The following TTC6 variants were observed in gnomAD, a reference collection of about 807,000 sequenced individuals.
TTC6 encodes tetratricopeptide repeat protein 6.
Under a neutral mutation model 210.4 loss-of-function variants are expected in TTC6, and 172 were observed. The ratio of observed to expected loss-of-function variants is 0.82; its 90% CI spans 0.72 to 0.93. TTC6 has a LOEUF of 0.93. Among genes scored for constraint, TTC6 ranks in the 40% least tolerant of loss-of-function variants. The pLI is 0.00. For synonymous variants in TTC6, 804 were observed against 819.6 expected (o/e 0.98, Z 0.32); for missense variants, 2,414 against 2,318.1 (o/e 1.04, Z -0.85).
At chr14:37,823,905 A>G (rs147359348) in exon 27 of TTC6, 5 of 1,614,054 alleles carry the variant, frequency 3.1e-6, no homozygotes, top group East Asian at 2.2e-5. Flanking sequence ...AAAGCACTGC[A>G]TATTAATCCA....
chr14:37,630,071 C>T (rs1012123650), intron 1 of TTC6, among the ~76,000 whole-genome samples: 1 of 152,120 alleles, frequency 6.6e-6, no homozygotes, highest in Non-Finnish European at 1.5e-5. Flanking sequence ...TTTCGTGTCT[C>T]TGCCTCCTTT....
At chr14:37,831,229 A>G (rs991945544) in intron 29 of TTC6, among the ~76,000 whole-genome samples, 3 of 152,090 alleles carry the variant, frequency 2.0e-5, no homozygotes, top group Non-Finnish European at 2.9e-5. Flanking sequence ...CTCTATGCTC[A>G]CCCATGTTGC....
At chr14:37,779,501 G>T (rs1020633494) in intron 14 of TTC6, among the ~76,000 whole-genome samples, 2 of 151,980 alleles carry the variant, frequency 1.3e-5, no homozygotes, top group Admixed American at 6.5e-5. Context: ...TGGTAAAATT[G>T]GTCTCTATAG....
chr14:37,821,827 C>T (rs1186250273), intron 26 of TTC6, among the ~76,000 whole-genome samples: 1 of 127,760 alleles, frequency 7.8e-6, no homozygotes, highest in Non-Finnish European at 1.5e-5. Flanking sequence ...GTTGCCCAGG[C>T]TGGAGTGCAG....
At chr14:37,744,905 G>T (rs1360788239) in intron 10 of TTC6, among the ~76,000 whole-genome samples, 7 of 152,040 alleles carry the variant, frequency 4.6e-5, no homozygotes, top group Non-Finnish European at 7.3e-5. Flanking sequence ...TTGGTTTGGG[G>T]TGATAGCAAC....
exon 7 of TTC6, chr14:37,724,983 C>T (rs2095868792): frequency 6.6e-7 from 1 of 1,518,450 alleles, no homozygotes; most frequent in Non-Finnish European, 8.8e-7. Context: ...ATGAAGGAAA[C>T]TCTATATCCA....
intron 9 of TTC6, among the ~76,000 whole-genome samples, chr14:37,737,947 A>G (rs969529088): frequency 1.3e-5 from 2 of 151,978 alleles, no homozygotes; most frequent in African/African-American, 2.4e-5. Context: ...ATCTTAAAGT[A>G]CATAACTGGC....
rs77023041 is a variant in TTC6, at chr14:37,610,940, C to T, written c.-155+4198C>T. Among the ~76,000 whole-genome samples, 959 of 152,322 alleles carry T rather than the reference C, an allele frequency of 6.3e-3. 14 individuals are homozygous for T. Among genetic ancestry groups the T allele is most frequent in the East Asian group, 0.056 (291 of 5,174 alleles). On this transcript the variant is annotated intron_variant, in intron 2 of 2. Coordinates refer to the TTC6 transcript ENST00000556845. ...TTAAGTCTCGGGGTCCAGCATTATT[C>T]TTTTAAACGCAGAAAGAGCAAGAGT...
At chr14:37,672,407 A>G (rs546735729) in intron 1 of TTC6, among the ~76,000 whole-genome samples, 1 of 152,278 alleles carries the variant, frequency 6.6e-6, no homozygotes, top group Admixed American at 6.6e-5. Context: ...CATTTTGAAA[A>G]ACATTATTCT....
chr14:37,607,395 C>T (rs2095627026), intron 2 of TTC6, among the ~76,000 whole-genome samples: 1 of 152,248 alleles, frequency 6.6e-6, no homozygotes, highest in East Asian at 1.9e-4. Context: ...TCAGTCTTGA[C>T]TAGTGCTAAA....
At chr14:37,632,378 G>A (rs932511370) in intron 1 of TTC6, among the ~76,000 whole-genome samples, 2 of 152,178 alleles carry the variant, frequency 1.3e-5, no homozygotes, top group African/African-American at 4.8e-5. Flanking sequence ...AAGCCTCCCT[G>A]CTGCAGGTCT....
chr14:37,806,931 A>G (rs976306473), intron 22 of TTC6, among the ~76,000 whole-genome samples: 3 of 152,144 alleles, frequency 2.0e-5, no homozygotes, highest in East Asian at 3.9e-4. Context: ...GTGTTAAATT[A>G]TTTTAGGAAA....
At chr14:37,725,410 G>C (rs1344255521) in intron 7 of TTC6, among the ~76,000 whole-genome samples, 1 of 146,310 alleles carries the variant, frequency 6.8e-6, no homozygotes, top group Non-Finnish European at 1.5e-5. Flanking sequence ...GAGGGCAATG[G>C]TGCGATCTTG....
chr14:37,652,109 G>A (rs1343632444), intron 1 of TTC6, among the ~76,000 whole-genome samples: 1 of 152,230 alleles, frequency 6.6e-6, no homozygotes, highest in Non-Finnish European at 1.5e-5. Context: ...GGGCAGTAAG[G>A]CTGGAGAGCA....
At chr14:37,672,917 A>G (rs1232365628) in intron 1 of TTC6, among the ~76,000 whole-genome samples, 1 of 151,350 alleles carries the variant, frequency 6.6e-6, no homozygotes, top group African/African-American at 2.4e-5. Flanking sequence ...TTTACTTGAA[A>G]CCCAATAATG....
At chr14:37,687,483 A>G (rs7142833) in intron 3 of TTC6, among the ~76,000 whole-genome samples, 2 of 152,138 alleles carry the variant, frequency 1.3e-5, no homozygotes, top group Admixed American at 1.3e-4. Flanking sequence ...CATGCAACCT[A>G]CTGAGACACC....
chr14:37,842,173 A>G, exon 31 of TTC6: 1 of 1,588,840 alleles, frequency 6.3e-7, no homozygotes, highest in Non-Finnish European at 8.5e-7. Flanking sequence ...TTGAAGCCTA[A>G]TGATGCTCTA....
intron 1 of TTC6, among the ~76,000 whole-genome samples, chr14:37,668,395 A>G (rs2095752281): frequency 6.6e-6 from 1 of 150,404 alleles, no homozygotes; most frequent in African/African-American, 2.4e-5. Flanking sequence ...GCTGGGTTCT[A>G]TTCTGGCTGG....
chr14:37,644,210 T>C, intron 1 of TTC6, among the ~76,000 whole-genome samples: 1 of 152,038 alleles, frequency 6.6e-6, no homozygotes, highest in African/African-American at 2.4e-5. Context: ...CAAAGTAATA[T>C]TAATAGTGGA....
Sources: gnomAD v4.1 joint callset for allele counts (sites outside exome capture counted in the v4.1 genomes callset) on GRCh38, gnomAD v4.1.1 for gene constraint, MANE v1.5 for transcripts, NCBI Gene and HGNC (gene_info 2026-07-23, HGNC 2026-07-21) for gene names.